FZD3: variants seen among roughly 807,000 people sequenced by gnomAD.
FZD3 encodes the protein frizzled-3.
A neutral mutation model predicts 60.7 loss-of-function variants in FZD3; 30 were observed. That is an observed-to-expected ratio of 0.49 (90% CI 0.37 to 0.67). The LOEUF (loss-of-function observed/expected upper bound fraction) is 0.67, where lower values mean the gene tolerates loss of function less well. FZD3 is among the 30% of genes least tolerant of loss of function. The pLI, the probability that FZD3 is intolerant of heterozygous loss-of-function variation, is 0.00. For missense variants in FZD3, 605 were observed against 838.7 expected, an observed-to-expected ratio of 0.72 and a Z score of 3.44; for synonymous variants, 246 against 275.2, an observed-to-expected ratio of 0.89 and a Z score of 1.05.
rs1805813272 is a variant in FZD3 at position 28,571,909 on chromosome 8, C to CT, written c.*8904dup. The CT allele has an allele frequency of 6.6e-6, 1 of 152,086 alleles. No homozygotes were observed. The highest frequency in any genetic ancestry group is 3.4e-3 in the Middle Eastern group (1 of 294). The allele number at this position is 152,086 out of a possible 1,614,324, so 9.4% of individuals were successfully genotyped here. ...ATTAAAATACTTTACCAAAAAAATA[C>CT]TTTTTTGTATTTTAATCTGATAGTG... is the stretch of plus-strand genomic sequence containing the variant. On this transcript the variant is annotated 3_prime_UTR_variant, in exon 8 of 8. Transcript: ENST00000240093.
chr8:28,562,740 T>C (rs1805635662), intron 7 of FZD3, 58 bp from the exon 8 acceptor site: 1 of 997,394 alleles, frequency 1.0e-6, no homozygotes, highest in Non-Finnish European at 1.6e-6. Flanking sequence ...AAATTATTAG[T>C]GTTATTATAT....
intron 3 of FZD3, among the ~76,000 whole-genome samples, chr8:28,507,049 C>T (rs191575107): frequency 1.4e-4 from 22 of 152,138 alleles, no homozygotes; most frequent in Admixed American, 7.2e-4. Context: ...TATATACCTC[C>T]GAAAAGTAAG....
In FZD3 at chr8:28,513,549, TTTTA is replaced by T. The variant is rs1804344745; in HGVS notation, c.190-7084_190-7081del. ...TTTACAAACCTAAAGTTTTTTGTTT[TTTTA>T]TTTAATACAAAATAATTCTTAAAGT... On this transcript the variant is annotated intron_variant, in intron 3 of 7. Transcript: ENST00000240093. Among the ~76,000 whole-genome samples, 4 of 152,354 alleles carry T rather than the reference TTTTA, an allele frequency of 2.6e-5. 1 individual carries two copies. In the South Asian group the frequency reaches 8.3e-4, roughly 32 times the overall value.
intron 3 of FZD3, among the ~76,000 whole-genome samples, chr8:28,515,317 T>G (rs1804395821): frequency 6.6e-6 from 1 of 151,942 alleles, no homozygotes; most frequent in Non-Finnish European, 1.5e-5. Flanking sequence ...TAAGGCAGAG[T>G]CTCGGGAGAC....
At chr8:28,508,279 C>G (rs1804193498) in intron 3 of FZD3, among the ~76,000 whole-genome samples, 1 of 152,096 alleles carries the variant, frequency 6.6e-6, no homozygotes. Context: ...TCATAAAATT[C>G]CGCGTCAAAC....
chr8:28,532,937 G>A (rs879363089), intron 5 of FZD3, among the ~76,000 whole-genome samples: 3 of 152,078 alleles, frequency 2.0e-5, no homozygotes, highest in Non-Finnish European at 4.4e-5. Flanking sequence ...TCATATCTTT[G>A]AAGTAAAAGG....
At chr8:28,496,246 A>G (rs574007143) in intron 1 of FZD3, among the ~76,000 whole-genome samples, 50 of 152,304 alleles carry the variant, frequency 3.3e-4, no homozygotes, top group African/African-American at 1.1e-3. Context: ...TTTCCCAGGA[A>G]ACAGACTTAA....
At chr8:28,497,851 C>T (rs989627767) in intron 1 of FZD3, among the ~76,000 whole-genome samples, 4 of 152,138 alleles carry the variant, frequency 2.6e-5, no homozygotes, top group African/African-American at 7.2e-5. Flanking sequence ...CGTTTCCCAC[C>T]GAGTTCTTTG....
chr8:28,533,139 GTT>G (rs1804921993), intron 5 of FZD3, among the ~76,000 whole-genome samples: 2 of 151,580 alleles, frequency 1.3e-5, no homozygotes, highest in South Asian at 4.2e-4. Flanking sequence ...TACCATTTGA[GTT>G]TTTGCTCCTA....
intron 5 of FZD3, among the ~76,000 whole-genome samples, chr8:28,546,713 C>A (rs577684610): frequency 6.6e-6 from 1 of 152,104 alleles, no homozygotes; most frequent in African/African-American, 2.4e-5. Flanking sequence ...CAGTGGCTCA[C>A]GCCTGTAATC....
At chr8:28,519,894 TGAA>T (rs1199418574) in intron 3 of FZD3, among the ~76,000 whole-genome samples, 6 of 151,996 alleles carry the variant, frequency 3.9e-5, no homozygotes, top group African/African-American at 1.2e-4. Context: ...AATTGTTAAT[TGAA>T]GAAGATTTAG....
chr8:28,551,268 A>G (rs1805405464), intron 5 of FZD3, among the ~76,000 whole-genome samples: 1 of 152,238 alleles, frequency 6.6e-6, no homozygotes, highest in Non-Finnish European at 1.5e-5. Flanking sequence ...GCAGTGGCTC[A>G]CGCCTGTAAT....
chr8:28,532,064 CAT>C (rs781716570), intron 5 of FZD3, among the ~76,000 whole-genome samples: 1 of 152,272 alleles, frequency 6.6e-6, no homozygotes, highest in African/African-American at 2.4e-5. Context: ...ATGGATAAGA[CAT>C]GTGCTTTCTG....
chr8:28,505,774 A>G (rs1804122732), intron 3 of FZD3, among the ~76,000 whole-genome samples: 1 of 152,244 alleles, frequency 6.6e-6, no homozygotes, highest in East Asian at 1.9e-4. Flanking sequence ...TTTAAGTTTT[A>G]TTCACAATCA....
At chr8:28,559,180 C>T (rs993158742) in intron 7 of FZD3, among the ~76,000 whole-genome samples, 1 of 152,122 alleles carries the variant, frequency 6.6e-6, no homozygotes, top group East Asian at 1.9e-4. Context: ...AGAGCTGTAG[C>T]TTAGATAAGA....
intron 5 of FZD3, among the ~76,000 whole-genome samples, chr8:28,537,207 T>C (rs752881910): frequency 1.8e-4 from 27 of 152,324 alleles, no homozygotes; most frequent in Non-Finnish European, 3.8e-4. Flanking sequence ...TAGACTATTA[T>C]AGAAATTTAT....
intron 3 of FZD3, among the ~76,000 whole-genome samples, chr8:28,508,036 A>G (rs985683913): frequency 1.2e-4 from 19 of 152,086 alleles, no homozygotes; most frequent in Non-Finnish European, 2.2e-4. Context: ...CTACAGGTAC[A>G]TGCCATCATG....
chr8:28,506,363 C>T, intron 3 of FZD3, among the ~76,000 whole-genome samples: 1 of 152,104 alleles, frequency 6.6e-6, no homozygotes, highest in Non-Finnish European at 1.5e-5. Context: ...AAATTTTTTT[C>T]CTGCCATTTT....
intron 5 of FZD3, among the ~76,000 whole-genome samples, chr8:28,536,242 A>G (rs1370645663): frequency 6.6e-6 from 1 of 152,112 alleles, no homozygotes. Flanking sequence ...CTTTCCTAAA[A>G]TGCCCCTTCA....
Sources: gnomAD v4.1 joint callset for allele counts (sites outside exome capture counted in the v4.1 genomes callset) on GRCh38, gnomAD v4.1.1 for gene constraint, MANE v1.5 for transcripts, NCBI Gene and HGNC (gene_info 2026-07-23, HGNC 2026-07-21) for gene names.